CPSF1: variants seen among roughly 807,000 people sequenced by gnomAD.
The protein encoded by CPSF1 is cleavage and polyadenylation specific factor 1.
In CPSF1, 106 loss-of-function variants were observed where a neutral mutation model predicts 175.8. That is an observed-to-expected ratio of 0.60 (90% confidence interval 0.52 to 0.71). CPSF1 has a LOEUF of 0.71. CPSF1 is among the 30% of genes least tolerant of loss of function. The pLI is 0.00. For synonymous variants in CPSF1, 1,024 were observed against 858.3 expected (o/e 1.19, Z -3.37); for missense variants, 1,734 against 2,022.9 (o/e 0.86, Z 2.74).
At position 144,394,795 on chromosome 8, in the gene CPSF1, A is replaced by T; in HGVS notation, c.3416T>A (p.Ile1139Asn). ...QGEEVTCRGR[I>N]LIMDVIEVVP... Reference sequence around the variant, plus strand: ...CACCTCAATCACATCCATGATCAAGATCTGGAGGGCATGGGTATGGCTGTG... The same window carrying T: ...CACCTCAATCACATCCATGATCAAGTTCTGGAGGGCATGGGTATGGCTGTG... Residue 1139 changes from isoleucine (I) to asparagine (N), a missense_variant and splice_region_variant, in exon 31 of 38, where the codon ATC (isoleucine) becomes AAC (asparagine). Ile to Asn is a moderately radical substitution (Grantham distance 149). Coordinates refer to ENST00000616140, the MANE Select transcript of CPSF1 (RefSeq NM_013291.3). 6.2e-7 allele frequency: 1 copy of T among 1,613,460 alleles called. No individual in the cohort carries two copies. Among genetic ancestry groups the T allele is most frequent in the Non-Finnish European group, 8.5e-7 (1 of 1,179,908 alleles).
Position 144,395,549 on chromosome 8 carries a change from G to T in CPSF1, c.2982C>A (p.Gly994=). The T allele has an allele frequency of 1.2e-6, 2 of 1,602,488 alleles. No individual in the cohort carries two copies. Among genetic ancestry groups the T allele is most frequent in the East Asian group, 2.2e-5 (1 of 44,622 alleles). ...PRGFLYFNRQ[G]ELRISVLPAY... is the part of the protein sequence containing the mutation. ...CAGGCAGGACACTGATCCTCAGCTC[G>T]CCCTGGGGTGGGGGCACAGGGGTCA... The change falls in exon 27 of 38, where the codon GGC becomes GGA. Residue 994 remains glycine, a splice_region_variant and synonymous_variant. Transcript: ENST00000616140.
At chr8:144,408,217 T>C (rs1256544063) in intron 2 of CPSF1, among the ~76,000 whole-genome samples, 1 of 151,966 alleles carries the variant, frequency 6.6e-6, no homozygotes, top group Non-Finnish European at 1.5e-5. Flanking sequence ...CCACATCCAG[T>C]CTATACCACG....
intron 9 of CPSF1, 39 bp downstream of exon 9, chr8:144,400,127 G>GT: frequency 8.6e-7 from 1 of 1,164,298 alleles, no homozygotes; most frequent in Non-Finnish European, 1.1e-6. Context: ...GGCCCAAGCC[G>GT]TCCCCGGGCC....
chr8:144,395,087 C>T lies in CPSF1; in HGVS notation c.3272+11G>A, dbSNP rs1161429088. 1.2e-5 allele frequency: 19 copies of T among 1,606,544 alleles called. No individual in the cohort carries two copies. The highest frequency in any genetic ancestry group is 2.7e-5 in the African/African-American group (2 of 74,848). On this transcript the variant is annotated intron_variant, in intron 29 of 37. Coordinates refer to ENST00000616140, the MANE Select transcript of CPSF1 (RefSeq NM_013291.3). ...CTTGGGCAGACCCCACCCCCGCCGG[C>T]CCAGCCTCACCTGGCATTGGGAATA... is the stretch of plus-strand genomic sequence containing the variant.
In CPSF1 at chr8:144,409,189, GAGGA is replaced by G; in HGVS notation, c.-14-21_-14-18del. 6.4e-7 allele frequency: 1 copy of G among 1,571,578 alleles called. No homozygotes were observed. Among genetic ancestry groups the G allele is most frequent in the Non-Finnish European group, 8.6e-7 (1 of 1,159,290 alleles). On this transcript the variant is annotated intron_variant, in intron 1 of 37. Transcript: ENST00000616140. ...CAACCCGGGCTGCGCAAGGCCGGGA[GAGGA>G]AGGGTGAGCGGGGTCGCCCACGCAG...
chr8:144,403,334 T>C (rs976450976), intron 2 of CPSF1, among the ~76,000 whole-genome samples: 5 of 152,238 alleles, frequency 3.3e-5, no homozygotes, highest in Admixed American at 2.6e-4. Context: ...CCTCAAGCGA[T>C]ACACTCACCT....
Position 144,400,496 on chromosome 8 carries a change from G to A in CPSF1, c.687-3C>T, listed in dbSNP as rs2116875530. 2 of 1,612,360 alleles carry A rather than the reference G, an allele frequency of 1.2e-6. No homozygotes were observed. Among genetic ancestry groups the A allele is most frequent in the Non-Finnish European group, 1.7e-6 (2 of 1,179,914 alleles). Reference sequence around the variant, plus strand: ...TGTCCTGCCGCACGGCCACGCGCCTGGGGACGCCAGTGGGTCAGCCAAGGG... The same window carrying A: ...TGTCCTGCCGCACGGCCACGCGCCTAGGGACGCCAGTGGGTCAGCCAAGGG... On this transcript the variant is annotated splice_region_variant and splice_polypyrimidine_tract_variant and intron_variant, in intron 7 of 37. Coordinates refer to ENST00000616140, the MANE Select transcript of CPSF1 (RefSeq NM_013291.3).
In CPSF1 at chr8:144,397,404, G is replaced by A; in HGVS notation, c.2395C>T (p.Leu799Phe). 6.4e-7 allele frequency: 1 copy of A among 1,573,892 alleles called. No individual in the cohort carries two copies. The highest frequency in any genetic ancestry group is 8.6e-7 in the Non-Finnish European group (1 of 1,159,576). Residue 799 changes from leucine (L) to phenylalanine (F), a missense_variant, in exon 23 of 38, where the codon CTT becomes TTT. This residue lies in a region of CPSF1 where 585 missense variants were observed against 584.7 expected (regional missense o/e 1.00). Coordinates refer to ENST00000616140, the MANE Select transcript of CPSF1 (RefSeq NM_013291.3). The part of the protein sequence containing the change: ...RENGTMEIYQ[L>F]PDWRLVFLVK... ...AGGAACACCAGCCGCCAGTCGGGAAGCTGGTAGATCTGCAGGGTGGGCAGC... is the reference window on the plus strand; with the variant it reads ...AGGAACACCAGCCGCCAGTCGGGAAACTGGTAGATCTGCAGGGTGGGCAGC...
In CPSF1 at chr8:144,399,261, C is replaced by T. The variant is rs2116860965; in HGVS notation, c.1392+15G>A. The T allele has an allele frequency of 3.7e-6, 6 of 1,612,334 alleles. No homozygotes were observed. The East Asian group carries it at 6.7e-5, about 18-fold the overall frequency. ...GGCGCTGGCTGGGACGGGGGCCCTG[C>T]TGCCTCAATCTCACCTCAAAGGAGT... On this transcript the variant is annotated intron_variant, in intron 14 of 37. Coordinates refer to ENST00000616140, the MANE Select transcript of CPSF1 (RefSeq NM_013291.3). The surrounding 1 kb of genome is among the most constrained non-coding windows in gnomAD (Gnocchi z 6.4).
chr8:144,397,207 C>G lies in CPSF1; in HGVS notation c.2592G>C (p.Leu864=), dbSNP rs1238113029. The G allele has an allele frequency of 1.7e-5, 26 of 1,537,668 alleles. No individual in the cohort carries two copies. The highest frequency in any genetic ancestry group is 1.8e-5 in the Non-Finnish European group (21 of 1,140,456). The part of the protein sequence containing the change: ...LGSRQSRPYL[L]VHVDQELLIY... ...GGGAGGCCAGGCCAGGCGCACTCAC[C>G]AGCAGGTAGGGCCTGCTCTGGCGGC... Residue 864 remains leucine, a splice_region_variant and synonymous_variant, in exon 23 of 38, where the codon CTG becomes CTC. Transcript: ENST00000616140.
chr8:144,396,793 C>G, intron 24 of CPSF1, 47 bp downstream of exon 24: 1 of 1,613,610 alleles, frequency 6.2e-7, no homozygotes, highest in African/African-American at 1.3e-5. Flanking sequence ...GAAACCCACA[C>G]CTTGTACCAC....
chr8:144,395,658 G>T (rs1458392025), intron 26 of CPSF1, 107 bp from the exon 27 acceptor site: 1 of 919,590 alleles, frequency 1.1e-6, no homozygotes, highest in Non-Finnish European at 1.7e-6. Context: ...CTCTGTGGGA[G>T]CAGGGGTGGG....
In CPSF1 at chr8:144,398,888, G is replaced by T; in HGVS notation, c.1549-20C>A. Reference sequence around the variant, plus strand: ...GCTCTTCTAGAATGATGATGGGGTGGGGGTGTGATGGGGGTGTGAGCCCAC... The same window carrying T: ...GCTCTTCTAGAATGATGATGGGGTGTGGGTGTGATGGGGGTGTGAGCCCAC... On this transcript the variant is annotated intron_variant, in intron 16 of 37. Transcript: ENST00000616140. 1 of 1,609,386 alleles carries T rather than the reference G, an allele frequency of 6.2e-7. No individual in the cohort carries two copies. The highest frequency in any genetic ancestry group is 8.5e-7 in the Non-Finnish European group (1 of 1,176,976).
rs529852350 is a variant in CPSF1 at position 144,397,017 on chromosome 8, G to A, written c.2593-88C>T. On this transcript the variant is annotated intron_variant, in intron 23 of 37. Coordinates refer to ENST00000616140, the MANE Select transcript of CPSF1 (RefSeq NM_013291.3). The stretch of plus-strand genomic sequence containing the variant: ...TGGGAAGAGGTGGGCTGTGGGTAAG[G>A]GGCGGGGCTGAGATGGGGTGGAGCC... 39 of 1,050,728 alleles carry A rather than the reference G, an allele frequency of 3.7e-5. 1 individual carries two copies. The highest frequency in any genetic ancestry group is 3.0e-4 in the African/African-American group (19 of 63,788). 65.1% of individuals were successfully genotyped at this position (1,050,728 alleles called of 1,614,324 possible). A position where few individuals can be genotyped will look rare whatever the true frequency, so the allele number is the denominator to read the frequency against.
intron 18 of CPSF1, 34 bp downstream of exon 18, chr8:144,398,491 C>CCCCAAGGT: frequency 6.2e-7 from 1 of 1,612,134 alleles, no homozygotes; most frequent in Non-Finnish European, 8.5e-7. Context: ...GGGACCCCAG[C>CCCCAAGGT]CCCAGGTCCC....
At chr8:144,406,204 T>G (rs1821491566) in intron 2 of CPSF1, among the ~76,000 whole-genome samples, 1 of 152,258 alleles carries the variant, frequency 6.6e-6, no homozygotes, top group African/African-American at 2.4e-5. Context: ...TTTCCTGCTA[T>G]TTATGGCTCC....
chr8:144,408,473 C>T (rs1436866052), intron 2 of CPSF1, among the ~76,000 whole-genome samples: 1 of 152,312 alleles, frequency 6.6e-6, no homozygotes, highest in African/African-American at 2.4e-5. Flanking sequence ...ACCAAGACTC[C>T]TGTCAACAGT....
At position 144,397,327 on chromosome 8, in the gene CPSF1, T is replaced by C. The variant is rs782210385; in HGVS notation, c.2472A>G (p.Gly824=). The part of the protein sequence containing the change: ...GQRVLVDSSF[G]QPTTQGEARR... ...GGGCCTCGCCCTGTGTAGTGGGCTGTCCAAAGGAGCTGTCCACAAGGACCC... is the reference window on the plus strand; with the variant it reads ...GGGCCTCGCCCTGTGTAGTGGGCTGCCCAAAGGAGCTGTCCACAAGGACCC... Residue 824 remains glycine, a synonymous_variant, in exon 23 of 38, where the codon GGA becomes GGG. Coordinates refer to ENST00000616140, the MANE Select transcript of CPSF1 (RefSeq NM_013291.3). The C allele has an allele frequency of 2.9e-5, 45 of 1,557,066 alleles. No homozygotes were observed. Among genetic ancestry groups the C allele is most frequent in the Admixed American group, 5.8e-5 (3 of 51,684 alleles).
intron 9 of CPSF1, 31 bp downstream of exon 9, chr8:144,400,135 G>GGGGCGCCCCCCCCCCCCCC: frequency 1.1e-6 from 1 of 896,006 alleles, no homozygotes; most frequent in Non-Finnish European, 1.6e-6. Context: ...CCGTCCCCGG[G>GGGGCGCCCCCCCCCCCCCC]CCCCCCCCGC....
Sources: gnomAD v4.1 joint callset for allele counts (sites outside exome capture counted in the v4.1 genomes callset) on GRCh38, gnomAD v4.1.1 for gene constraint, gnomAD v4.1.1 regional missense constraint, Gnocchi (gnomAD v3.1) non-coding constraint, MANE v1.5 for transcripts, NCBI Gene and HGNC (gene_info 2026-07-23, HGNC 2026-07-21) for gene names.